Variants in GABBR2 observed in about 807,000 individuals in gnomAD.
GABBR2 encodes gamma-aminobutyric acid type B receptor subunit 2, also known as G-protein coupled receptor 51.
Under a neutral mutation model 105.6 loss-of-function variants are expected in GABBR2, and 23 were observed. The ratio of observed to expected loss-of-function variants is 0.22; its 90% CI spans 0.16 to 0.31. GABBR2 has a LOEUF of 0.31. Ranked by LOEUF, GABBR2 falls within the 10% of genes least tolerant of loss-of-function variation. The probability of loss-of-function intolerance (pLI) is 1.00; values close to 1 mark genes in which losing one functional copy is unlikely to be tolerated. For missense variants in GABBR2, 734 were observed against 1,245.5 expected (o/e 0.59, Z 6.18); for synonymous variants, 478 against 499.7 (o/e 0.96, Z 0.58).
intron 1 of GABBR2, among the ~76,000 whole-genome samples, chr9:98,599,444 A>C (rs899861751): frequency 2.0e-5 from 3 of 152,250 alleles, no homozygotes; most frequent in Non-Finnish European, 4.4e-5. Context: ...TGCAATGGAC[A>C]TACCAGGCCT....
intron 9 of GABBR2, among the ~76,000 whole-genome samples, chr9:98,392,154 G>A (rs866112138): frequency 1.3e-4 from 20 of 152,198 alleles, no homozygotes; most frequent in Non-Finnish European, 2.6e-4. Flanking sequence ...GGCAGAGCCC[G>A]GGGCTGAAAG....
chr9:98,430,802 G>A (rs1037256605), intron 7 of GABBR2, among the ~76,000 whole-genome samples: 3 of 151,900 alleles, frequency 2.0e-5, no homozygotes, highest in Non-Finnish European at 4.4e-5. Flanking sequence ...CCCTTCCTGT[G>A]CTGGAAACCC....
chr9:98,666,565 A>T (rs1263958177), intron 1 of GABBR2, among the ~76,000 whole-genome samples: 1 of 152,152 alleles, frequency 6.6e-6, no homozygotes, highest in East Asian at 1.9e-4. Context: ...TTGTTTTTTC[A>T]TAGACGGGGT....
chr9:98,590,247 C>CG (rs1829128661), intron 1 of GABBR2, among the ~76,000 whole-genome samples: 1 of 152,196 alleles, frequency 6.6e-6, no homozygotes, highest in Admixed American at 6.5e-5. Context: ...ACCCCTTCCC[C>CG]GGGGTGATGG....
intron 8 of GABBR2, among the ~76,000 whole-genome samples, chr9:98,396,447 C>T (rs1832291947): frequency 6.6e-6 from 1 of 152,210 alleles, no homozygotes; most frequent in Non-Finnish European, 1.5e-5. Flanking sequence ...ACACTTCTGC[C>T]TGTGTTCCTC....
chr9:98,566,903 G>A (rs1828759492), intron 2 of GABBR2, among the ~76,000 whole-genome samples: 1 of 151,860 alleles, frequency 6.6e-6, no homozygotes, highest in Non-Finnish European at 1.5e-5. Flanking sequence ...AGCACTGTGT[G>A]ACACATTTAT....
chr9:98,299,298 G>A lies in GABBR2; in HGVS notation c.2468C>T (p.Thr823Ile), dbSNP rs753265829. The change falls in exon 17 of 19, where the codon ACC becomes ATC. Residue 823 changes from threonine (T) to isoleucine (I), a missense_variant. By Grantham distance (89) the Thr-to-Ile change is moderately conservative. This residue lies in a region of GABBR2 where 134 missense variants were observed against 171.2 expected (regional missense o/e 0.78). Coordinates refer to ENST00000259455, the MANE Select transcript of GABBR2 (RefSeq NM_005458.8). ...GTAGTGGTTCTGTTTAATGTAGGTG[G>A]TCTTTTCTGGTGTGTCCTGCAGCTG... ...TMQLQDTPEK[T>I]TYIKQNHYQE... 3.0e-5 allele frequency: 49 copies of A among 1,613,678 alleles called. No homozygotes were observed. The highest frequency in any genetic ancestry group is 3.7e-5 in the Non-Finnish European group (44 of 1,179,740).
intron 2 of GABBR2, among the ~76,000 whole-genome samples, chr9:98,566,293 C>T (rs1828749844): frequency 6.6e-6 from 1 of 152,126 alleles, no homozygotes; most frequent in Non-Finnish European, 1.5e-5. Flanking sequence ...AGTTTGAGAA[C>T]CACTGCCATA....
At chr9:98,567,928 G>A (rs1828774070) in intron 2 of GABBR2, among the ~76,000 whole-genome samples, 1 of 152,182 alleles carries the variant, frequency 6.6e-6, no homozygotes, top group African/African-American at 2.4e-5. Flanking sequence ...AGGAGAGCCT[G>A]GGAGAGTATA....
intron 3 of GABBR2, among the ~76,000 whole-genome samples, chr9:98,526,980 A>G (rs1204164055): frequency 1.3e-5 from 2 of 151,924 alleles, no homozygotes; most frequent in Admixed American, 1.3e-4. Flanking sequence ...GTCAAGGACA[A>G]GACAAGAATA....
In GABBR2 at chr9:98,682,043, T is replaced by C. The variant is rs529192829; in HGVS notation, c.321+26374A>G. Among the ~76,000 whole-genome samples, 4 of 152,192 alleles carry C rather than the reference T, an allele frequency of 2.6e-5. No homozygotes were observed. The East Asian group carries it at 7.7e-4, about 29-fold the overall frequency. On this transcript the variant is annotated intron_variant, in intron 1 of 18. Transcript: ENST00000259455. ...TGACTTCAGGAGTTCAAGACCAGCC[T>C]GGCCAATATGGTGAAAACTCATCTC...
intron 7 of GABBR2, among the ~76,000 whole-genome samples, chr9:98,415,679 T>C (rs1832678359): frequency 6.6e-6 from 1 of 152,212 alleles, no homozygotes. Context: ...TATTAATAGA[T>C]ATTCAACAAC....
At chr9:98,375,889 T>C (rs1241346626) in intron 11 of GABBR2, among the ~76,000 whole-genome samples, 2 of 152,230 alleles carry the variant, frequency 1.3e-5, no homozygotes, top group African/African-American at 2.4e-5. Flanking sequence ...AGGGTTCTAA[T>C]GATTCTGTTT....
chr9:98,302,613 C>CA (rs1418003631), intron 16 of GABBR2, among the ~76,000 whole-genome samples: 17 of 152,300 alleles, frequency 1.1e-4, no homozygotes, highest in Admixed American at 5.9e-4. Flanking sequence ...AAGCAACACA[C>CA]AGCCTGCAGA....
chr9:98,605,090 G>A lies in GABBR2; in HGVS notation c.322-27018C>T, dbSNP rs529694070. 5.3e-5 allele frequency among the ~76,000 whole-genome samples: 8 copies of A among 152,356 alleles called. No homozygotes were observed. The South Asian group carries it at 1.7e-3, about 32-fold the overall frequency. ...AGGAGACAAGATACGTACATGGCAA[G>A]GCCAAAAGGCAGAACAAGTCAGGGT... is the stretch of plus-strand genomic sequence containing the variant. On this transcript the variant is annotated intron_variant, in intron 1 of 18. Coordinates refer to ENST00000259455, the MANE Select transcript of GABBR2 (RefSeq NM_005458.8).
At chr9:98,491,142 T>C (rs1464775612) in intron 4 of GABBR2, among the ~76,000 whole-genome samples, 1 of 152,184 alleles carries the variant, frequency 6.6e-6, no homozygotes, top group Non-Finnish European at 1.5e-5. Flanking sequence ...AAAGCAATAA[T>C]AGTCCGTGAG....
intron 13 of GABBR2, among the ~76,000 whole-genome samples, chr9:98,313,709 A>G (rs1199342012): frequency 2.0e-5 from 3 of 152,202 alleles, no homozygotes; most frequent in Non-Finnish European, 4.4e-5. Context: ...GCCCAGGGTA[A>G]AGCCACACTC....
At chr9:98,353,056 G>A (rs888093279) in intron 13 of GABBR2, among the ~76,000 whole-genome samples, 1 of 152,136 alleles carries the variant, frequency 6.6e-6, no homozygotes, top group African/African-American at 2.4e-5. Context: ...AAATGCAGTT[G>A]TATGGACTCC....
chr9:98,689,530 T>G (rs1042650400), intron 1 of GABBR2, among the ~76,000 whole-genome samples: 4 of 152,198 alleles, frequency 2.6e-5, no homozygotes, highest in Admixed American at 2.6e-4. Flanking sequence ...GCCTAGTGCA[T>G]GTAGACAATA....
Sources: gnomAD v4.1 joint callset for allele counts (sites outside exome capture counted in the v4.1 genomes callset) on GRCh38, gnomAD v4.1.1 for gene constraint, gnomAD v4.1.1 regional missense constraint, MANE v1.5 for transcripts, NCBI Gene and HGNC (gene_info 2026-07-23, HGNC 2026-07-21) for gene names.